ASPA: variants seen among roughly 807,000 people sequenced by gnomAD.
ASPA encodes ACY-2.
ASPA carries 25 observed loss-of-function variants against 29.6 expected under a neutral mutation model. The observed-to-expected ratio is 0.85, with a 90% confidence interval of 0.62 to 1.18. ASPA has a LOEUF of 1.18. ASPA is among the 50% of genes most tolerant of loss of function. The probability of loss-of-function intolerance (pLI) is 0.00; values close to 1 mark genes in which losing one functional copy is unlikely to be tolerated. For missense variants in ASPA, 333 were observed against 385.7 expected, an observed-to-expected ratio of 0.86 and a Z score of 1.14; for synonymous variants, 131 against 130.3, an observed-to-expected ratio of 1.01 and a Z score of -0.04.
intron 5 of ASPA, among the ~76,000 whole-genome samples, chr17:3,497,670 G>A (rs909174224): frequency 3.9e-5 from 6 of 152,136 alleles, no homozygotes; most frequent in Non-Finnish European, 7.4e-5. Flanking sequence ...AGAAAACTGC[G>A]GTGATGCGGC....
At chr17:3,479,618 GC>G (rs1484779108) in intron 1 of ASPA, among the ~76,000 whole-genome samples, 1 of 151,862 alleles carries the variant, frequency 6.6e-6, no homozygotes, top group Non-Finnish European at 1.5e-5. Context: ...TCTCAACGTG[GC>G]CCTTTCCACC....
Position 3,501,051 on chromosome 17 carries a change from G to C in ASPA, c.*1963G>C, listed in dbSNP as rs139171932. 1.3e-5 allele frequency: 2 copies of C among 152,052 alleles called. No individual in the cohort carries two copies. The highest frequency in any genetic ancestry group is 1.5e-5 in the Non-Finnish European group (1 of 68,032). 9.4% of individuals were successfully genotyped at this position (152,052 alleles called of 1,614,324 possible). On this transcript the variant is annotated 3_prime_UTR_variant, in exon 6 of 6. Coordinates refer to ENST00000263080, the MANE Select transcript of ASPA (RefSeq NM_000049.4). ...GTGCGAAGAGATTAGCATTGTTTTC[G>C]CGCCTGCTACCACGACATCCAGCCG...
chr17:3,490,649 C>T lies in ASPA; in HGVS notation c.634+1307C>T, dbSNP rs185340856. Among the ~76,000 whole-genome samples, 542 of 152,278 alleles carry T rather than the reference C, an allele frequency of 3.6e-3. 1 individual carries two copies. The highest frequency in any genetic ancestry group is 4.4e-3 in the Non-Finnish European group (302 of 68,038). ...TACCATCTTTGTCTGAGGGCAGGTT[C>T]TATACTGTCTAATGGAACTGGTTTT... On this transcript the variant is annotated intron_variant, in intron 4 of 5. Coordinates refer to ENST00000263080, the MANE Select transcript of ASPA (RefSeq NM_000049.4). The surrounding 1 kb of genome is among the most constrained non-coding windows in gnomAD (Gnocchi z 4.6).
intron 5 of ASPA, among the ~76,000 whole-genome samples, chr17:3,494,992 G>A (rs1257885744): frequency 1.3e-5 from 2 of 151,944 alleles, no homozygotes; most frequent in Non-Finnish European, 2.9e-5. Context: ...AGAGAAAAAC[G>A]ACTGGAACCT....
intron 1 of ASPA, among the ~76,000 whole-genome samples, chr17:3,476,788 C>T (rs981343358): frequency 6.6e-6 from 1 of 152,190 alleles, no homozygotes; most frequent in Admixed American, 6.5e-5. Flanking sequence ...AAATTCACTA[C>T]GTTTTCAAGC....
At chr17:3,486,405 T>G (rs1349760416) in intron 3 of ASPA, among the ~76,000 whole-genome samples, 1 of 152,190 alleles carries the variant, frequency 6.6e-6, no homozygotes, top group Non-Finnish European at 1.5e-5. Context: ...AGAAGATCCA[T>G]GAAGAATCCT....
chr17:3,491,372 G>A (rs748920963), intron 4 of ASPA, among the ~76,000 whole-genome samples: 2 of 152,068 alleles, frequency 1.3e-5, no homozygotes, highest in Non-Finnish European at 2.9e-5. Flanking sequence ...TTCTGAGTCC[G>A]TAATCCAGGA....
chr17:3,502,924 C>G lies in ASPA; in HGVS notation c.*3836C>G, dbSNP rs570836185. The G allele has an allele frequency of 6.6e-6, 1 of 152,228 alleles. No homozygotes were observed. The highest frequency in any genetic ancestry group is 1.5e-5 in the Non-Finnish European group (1 of 68,048). The allele number at this position is 152,228 out of a possible 1,614,324, so 9.4% of individuals were successfully genotyped here. On this transcript the variant is annotated 3_prime_UTR_variant, in exon 6 of 6. Coordinates refer to ENST00000263080, the MANE Select transcript of ASPA (RefSeq NM_000049.4). The stretch of plus-strand genomic sequence containing the variant: ...AGTCAACAACAGGGCACTGGACACA[C>G]ATAGAAATGTGACCCACAGCTATGG...
rs902442721 is a variant in ASPA, at chr17:3,500,677, C to A, written c.*1589C>A. ...GCCACCACGCCCGGCTAATTTTTTG[C>A]ATTTTTTTAGTAGAGATGGGGTTTC... On this transcript the variant is annotated 3_prime_UTR_variant, in exon 6 of 6. Coordinates refer to ENST00000263080, the MANE Select transcript of ASPA (RefSeq NM_000049.4). 23 of 151,576 alleles carry A rather than the reference C, an allele frequency of 1.5e-4. No individual in the cohort carries two copies. Among genetic ancestry groups the A allele is most frequent in the African/African-American group, 4.6e-4 (19 of 41,208 alleles). The allele number at this position is 151,576 out of a possible 1,614,324, so 9.4% of individuals were successfully genotyped here.
rs1260827245 is a variant in ASPA, at chr17:3,500,014, T to C, written c.*926T>C. 3 of 152,172 alleles carry C rather than the reference T, an allele frequency of 2.0e-5. No homozygotes were observed. Among genetic ancestry groups the C allele is most frequent in the East Asian group, 3.8e-4 (2 of 5,198 alleles). 9.4% of individuals were successfully genotyped at this position (152,172 alleles called of 1,614,324 possible). On this transcript the variant is annotated 3_prime_UTR_variant, in exon 6 of 6. Transcript: ENST00000263080. ...AAATGATAAGAAAGCAAAACAACCT[T>C]ATTGCTGATATGGAGACAGTTTTAG...
Position 3,501,823 on chromosome 17 carries a change from C to G in ASPA, c.*2735C>G. ...AACATATTAGCCAGGCGTGGTGGCA[C>G]GTGCCTGTAGTCCCAGCTACTTGGG... On this transcript the variant is annotated 3_prime_UTR_variant, in exon 6 of 6. Transcript: ENST00000263080. 1 of 152,336 alleles carries G rather than the reference C, an allele frequency of 6.6e-6. No individual in the cohort carries two copies. Among genetic ancestry groups the G allele is most frequent in the Non-Finnish European group, 1.5e-5 (1 of 68,142 alleles). 9.4% of individuals were successfully genotyped at this position (152,336 alleles called of 1,614,324 possible).
chr17:3,489,848 C>A (rs928154706), intron 4 of ASPA, among the ~76,000 whole-genome samples: 2 of 152,126 alleles, frequency 1.3e-5, no homozygotes, highest in South Asian at 2.1e-4. Flanking sequence ...TATTACCCAG[C>A]GATTCCACAT....
intron 1 of ASPA, among the ~76,000 whole-genome samples, chr17:3,478,930 C>G (rs184788420): frequency 6.6e-6 from 1 of 152,160 alleles, no homozygotes; most frequent in African/African-American, 2.4e-5. Context: ...CTTCACAAAT[C>G]CAGCCTTCCT....
rs1233327366 is a variant in ASPA at position 3,476,068 on chromosome 17, TCATTTA to T, written c.-86_-81del. On this transcript the variant is annotated 5_prime_UTR_variant, in exon 1 of 6. Transcript: ENST00000263080. ...TGTACTTTGCCCTTTGGGTAAAGTC[TCATTTA>T]CATTTCTAAACCTTTCTTAAGAAAA... 7 of 1,208,836 alleles carry T rather than the reference TCATTTA, an allele frequency of 5.8e-6. No individual in the cohort carries two copies. Among genetic ancestry groups the T allele is most frequent in the African/African-American group, 3.0e-5 (2 of 66,440 alleles). 74.9% of individuals were successfully genotyped at this position (1,208,836 alleles called of 1,614,324 possible). A position where few individuals can be genotyped will look rare whatever the true frequency, so the allele number is the denominator to read the frequency against.
chr17:3,498,873 T>C lies in ASPA; in HGVS notation c.745-18T>C, dbSNP rs1380738901. On this transcript the variant is annotated intron_variant, in intron 5 of 5. Coordinates refer to ENST00000263080, the MANE Select transcript of ASPA (RefSeq NM_000049.4). Reference sequence around the variant, plus strand: ...AAAAACCAAATATAATATATTTATTTTGATTGTTTCCTGAGAGGATCAAGA... The same window carrying C: ...AAAAACCAAATATAATATATTTATTCTGATTGTTTCCTGAGAGGATCAAGA... The C allele has an allele frequency of 1.3e-6, 2 of 1,519,298 alleles. No homozygotes were observed. The highest frequency in any genetic ancestry group is 1.4e-5 in the African/African-American group (1 of 71,058). The allele number at this position is 1,519,298 out of a possible 1,614,324, so 94.1% of individuals were successfully genotyped here. A position where few individuals can be genotyped will look rare whatever the true frequency, so the allele number is the denominator to read the frequency against.
upstream of ASPA, among the ~76,000 whole-genome samples, chr17:3,474,647 A>G (rs3814886): frequency 4.0e-3 from 608 of 152,210 alleles, 9 homozygotes; most frequent in East Asian, 0.022. Context: ...TGCTTTCTCT[A>G]TCTCTGCATT....
upstream of ASPA, chr17:3,475,911 C>T (rs1177463294): frequency 3.8e-6 from 2 of 519,696 alleles, no homozygotes; most frequent in Admixed American, 3.2e-5. Context: ...AAGTAAACAG[C>T]TGTATCTCTA....
rs971138858 is a variant in ASPA at position 3,499,441 on chromosome 17, C to T, written c.*353C>T. On this transcript the variant is annotated 3_prime_UTR_variant, in exon 6 of 6. Transcript: ENST00000263080. ...TTGTGCTTTGCCTTACTACACTTCACGGATACTGTACTTGTACTTTTTTTC... is the reference window on the plus strand; with the variant it reads ...TTGTGCTTTGCCTTACTACACTTCATGGATACTGTACTTGTACTTTTTTTC... 4.4e-4 allele frequency: 12 copies of T among 27,496 alleles called. No individual in the cohort carries two copies. The highest frequency in any genetic ancestry group is 3.8e-3 in the Admixed American group (6 of 1,586). The allele number at this position is 27,496 out of a possible 1,614,324, so 1.7% of individuals were successfully genotyped here.
intron 5 of ASPA, among the ~76,000 whole-genome samples, chr17:3,496,796 G>A (rs568852009): frequency 2.6e-4 from 39 of 152,332 alleles, no homozygotes; most frequent in African/African-American, 7.5e-4. Flanking sequence ...GCCAGGAGCG[G>A]TGGCTCACGC....
Sources: allele counts gnomAD v4.1 joint callset (sites outside exome capture counted in the v4.1 genomes callset), GRCh38; gene constraint gnomAD v4.1.1; non-coding constraint Gnocchi (gnomAD v3.1); transcripts MANE v1.5; gene names NCBI Gene and HGNC (gene_info 2026-07-23, HGNC 2026-07-21).